The following NPR3 variants were observed in gnomAD, a reference collection of about 807,000 sequenced individuals.
NPR3 encodes atrial natriuretic peptide receptor 3.
In NPR3, 34 loss-of-function variants were observed where a neutral mutation model predicts 54.5. The ratio of observed to expected loss-of-function variants is 0.62; its 90% confidence interval spans 0.47 to 0.83. The LOEUF (loss-of-function observed/expected upper bound fraction) is 0.83, where lower values mean the gene tolerates loss of function less well. Among genes scored for constraint, NPR3 ranks in the 40% least tolerant of loss-of-function variants. NPR3 has a pLI of 0.00. For synonymous variants in NPR3, 289 were observed against 297.1 expected (o/e 0.97, Z 0.28); for missense variants, 674 against 720.8 (o/e 0.94, Z 0.74).
At chr5:32,783,220 T>C (rs1742431549) in intron 6 of NPR3, 192 bp downstream of exon 6, 1 of 499,710 alleles carries the variant, frequency 2.0e-6, no homozygotes. Context: ...AGTCTTCTCT[T>C]CCACAATGGT....
At chr5:32,774,958 T>C (rs988152262) in intron 4 of NPR3, 115 bp downstream of exon 4, 11 of 794,052 alleles carry the variant, frequency 1.4e-5, no homozygotes, top group Admixed American at 1.3e-4. Flanking sequence ...TTTTCTCAGC[T>C]CTAAAGCAGC....
In NPR3 at chr5:32,734,472, A is replaced by G. The variant is rs117099958; in HGVS notation, c.893-4392A>G. Among the ~76,000 whole-genome samples, 54 of 152,344 alleles carry G rather than the reference A, an allele frequency of 3.5e-4. No homozygotes were observed. In the East Asian group the frequency reaches 0.01, roughly 29 times the overall value. On this transcript the variant is annotated intron_variant, in intron 2 of 7. Coordinates refer to ENST00000265074, the MANE Select transcript of NPR3 (RefSeq NM_001204375.2). ...TCTTCACCACAGGATCGCTGGGCAC[A>G]GGGCTTGGTGCTGAGCAGACTACCT...
intron 1 of NPR3, among the ~76,000 whole-genome samples, chr5:32,717,141 A>G (rs1173516087): frequency 6.6e-6 from 1 of 152,010 alleles, no homozygotes; most frequent in African/African-American, 2.4e-5. Flanking sequence ...GCTGAGAATG[A>G]TGGTTTCCAG....
chr5:32,791,551 T>A lies in NPR3; in HGVS notation c.*5206T>A, dbSNP rs997146390. 6.0e-6 allele frequency: 1 copy of A among 167,110 alleles called. No individual in the cohort carries two copies. The highest frequency in any genetic ancestry group is 2.4e-5 in the African/African-American group (1 of 41,464). 10.4% of individuals were successfully genotyped at this position (167,110 alleles called of 1,614,324 possible). A position where few individuals can be genotyped will look rare whatever the true frequency, so the allele number is the denominator to read the frequency against. On this transcript the variant is annotated 3_prime_UTR_variant, in exon 8 of 8. Transcript: ENST00000265074. ...AATGACTGTGGATATAACCCATGTTTTGTATAATATATTTTATTTCTTGTG... is the reference window on the plus strand; with the variant it reads ...AATGACTGTGGATATAACCCATGTTATGTATAATATATTTTATTTCTTGTG...
At position 32,727,143 on chromosome 5, in the gene NPR3, T is replaced by C. The variant is rs372624822; in HGVS notation, c.892+2323T>C. Among the ~76,000 whole-genome samples, 50 of 152,346 alleles carry C rather than the reference T, an allele frequency of 3.3e-4. 1 individual carries two copies. In the South Asian group the frequency reaches 9.9e-3, roughly 30 times the overall value. ...GCATTTAATGTTTTGTTTTCTTTTT[T>C]TGAGACAGGATCTCACCCTGTTGCC... is the stretch of plus-strand genomic sequence containing the variant. On this transcript the variant is annotated intron_variant, in intron 2 of 7. Coordinates refer to ENST00000265074, the MANE Select transcript of NPR3 (RefSeq NM_001204375.2).
chr5:32,732,855 T>C (rs1483909015), intron 2 of NPR3, among the ~76,000 whole-genome samples: 1 of 152,132 alleles, frequency 6.6e-6, no homozygotes, highest in African/African-American at 2.4e-5. Context: ...TTTTATTTCA[T>C]TTTTTTGAGA....
At chr5:32,751,747 G>A (rs929353658) in intron 3 of NPR3, among the ~76,000 whole-genome samples, 1 of 152,182 alleles carries the variant, frequency 6.6e-6, no homozygotes, top group Non-Finnish European at 1.5e-5. Flanking sequence ...AAGAGGTTGA[G>A]GAGCAGGTGG....
At chr5:32,745,006 T>G (rs1421246681) in intron 3 of NPR3, among the ~76,000 whole-genome samples, 2 of 152,210 alleles carry the variant, frequency 1.3e-5, no homozygotes, top group Non-Finnish European at 2.9e-5. Flanking sequence ...GAATAGAAAG[T>G]ACGTCAAATC....
intron 3 of NPR3, among the ~76,000 whole-genome samples, chr5:32,759,927 A>T (rs991128832): frequency 6.6e-6 from 1 of 152,176 alleles, no homozygotes; most frequent in Non-Finnish European, 1.5e-5. Context: ...AATGTTGAAT[A>T]TTGGCCCCCA....
intron 5 of NPR3, among the ~76,000 whole-genome samples, 188 bp from the exon 6 acceptor site, chr5:32,782,705 G>A (rs1561134302): frequency 6.6e-6 from 1 of 152,156 alleles, no homozygotes. Context: ...ACCGAGGAAC[G>A]TGCCCAATGT....
chr5:32,776,836 G>A (rs1742074817), intron 4 of NPR3, among the ~76,000 whole-genome samples: 1 of 152,094 alleles, frequency 6.6e-6, no homozygotes, highest in Non-Finnish European at 1.5e-5. Context: ...AAATAAGGTA[G>A]GATAGGGAGC....
intron 2 of NPR3, among the ~76,000 whole-genome samples, chr5:32,736,230 C>CAAAAAAA (rs56211529): frequency 3.1e-5 from 2 of 65,376 alleles, no homozygotes; most frequent in African/African-American, 5.3e-5. Context: ...CACTCTGTCT[C>CAAAAAAA]AAAAAAAAAA....
At chr5:32,692,432 C>A (rs1033902673) in intron 1 of NPR3, among the ~76,000 whole-genome samples, 3 of 152,034 alleles carry the variant, frequency 2.0e-5, no homozygotes, top group African/African-American at 4.8e-5. Context: ...AGATGAGGCA[C>A]AAAGACGAAT....
chr5:32,716,441 A>T (rs777076275), intron 1 of NPR3: 2 of 454,248 alleles, frequency 4.4e-6, no homozygotes, highest in Non-Finnish European at 8.8e-6. Flanking sequence ...TGATCATTCT[A>T]CTGCCTGTTA....
intron 1 of NPR3, among the ~76,000 whole-genome samples, chr5:32,701,235 A>G (rs1445454694): frequency 6.6e-6 from 1 of 152,072 alleles, no homozygotes; most frequent in Non-Finnish European, 1.5e-5. Context: ...ATTTTCAAAT[A>G]TCCTGTCCTC....
chr5:32,705,184 T>G (rs902081749), upstream of NPR3, among the ~76,000 whole-genome samples: 16 of 152,216 alleles, frequency 1.1e-4, no homozygotes, highest in African/African-American at 3.9e-4. Context: ...TAAAAAAAGC[T>G]TGTGGGGACA....
At chr5:32,768,965 T>C (rs1741613728) in intron 3 of NPR3, among the ~76,000 whole-genome samples, 1 of 152,188 alleles carries the variant, frequency 6.6e-6, no homozygotes, top group Non-Finnish European at 1.5e-5. Context: ...CACCTGCCCT[T>C]TGCATTTTCC....
In NPR3 at chr5:32,789,660, A is replaced by T; in HGVS notation, c.*3315A>T. 1.9e-6 allele frequency: 1 copy of T among 534,744 alleles called. No homozygotes were observed. Among genetic ancestry groups the T allele is most frequent in the Non-Finnish European group, 3.8e-6 (1 of 260,084 alleles). The allele number at this position is 534,744 out of a possible 1,614,324, so 33.1% of individuals were successfully genotyped here. A position where few individuals can be genotyped will look rare whatever the true frequency, so the allele number is the denominator to read the frequency against. ...AAAATCATTAATTTACTCAAGGCAC[A>T]TGTGCCTTCTTTGCCCCAAATGCAT... On this transcript the variant is annotated 3_prime_UTR_variant, in exon 8 of 8. Coordinates refer to ENST00000265074, the MANE Select transcript of NPR3 (RefSeq NM_001204375.2).
At chr5:32,725,898 C>T (rs1050826868) in intron 2 of NPR3, among the ~76,000 whole-genome samples, 1 of 152,154 alleles carries the variant, frequency 6.6e-6, no homozygotes, top group East Asian at 1.9e-4. Flanking sequence ...AGTTGTGAAC[C>T]ACCAATGTAT....
Sources: allele counts gnomAD v4.1 joint callset (sites outside exome capture counted in the v4.1 genomes callset), GRCh38; gene constraint gnomAD v4.1.1; transcripts MANE v1.5; gene names NCBI Gene and HGNC (gene_info 2026-07-23, HGNC 2026-07-21).